GRM5: variants seen among roughly 807,000 people sequenced by gnomAD.
GRM5 encodes the protein metabotropic glutamate receptor 5.
In GRM5, 19 loss-of-function variants were observed where a neutral mutation model predicts 83.1. The observed-to-expected ratio is 0.23, with a 90% CI of 0.16 to 0.34. The LOEUF (loss-of-function observed/expected upper bound fraction) is 0.34, where lower values mean the gene tolerates loss of function less well. Ranked by LOEUF, GRM5 falls within the 10% of genes least tolerant of loss-of-function variation. The probability of loss-of-function intolerance (pLI) is 1.00; values close to 1 mark genes in which losing one functional copy is unlikely to be tolerated. For missense variants in GRM5, 1,160 were observed against 1,588.3 expected, an observed-to-expected ratio of 0.73 and a Z score of 4.58; for synonymous variants, 675 against 633.6, an observed-to-expected ratio of 1.07 and a Z score of -0.98.
rs1224807854 is a variant in GRM5 at position 88,597,363 on chromosome 11, A to G, written c.1395-11T>C. On this transcript the variant is annotated splice_polypyrimidine_tract_variant and intron_variant, in intron 5 of 9. Transcript: ENST00000305447. Reference sequence around the variant, plus strand: ...TTCATTATTTCATACCTTAGGAATAAGAATATGATAATTATGCAGCTTAAG... The same window carrying G: ...TTCATTATTTCATACCTTAGGAATAGGAATATGATAATTATGCAGCTTAAG... 1 of 1,347,234 alleles carries G rather than the reference A, an allele frequency of 7.4e-7. No individual in the cohort carries two copies. Among genetic ancestry groups the G allele is most frequent in the Non-Finnish European group, 1.0e-6 (1 of 958,138 alleles). The allele number at this position is 1,347,234 out of a possible 1,614,324, so 83.5% of individuals were successfully genotyped here.
intron 3 of GRM5, among the ~76,000 whole-genome samples, chr11:88,757,989 C>T (rs1942433232): frequency 1.3e-5 from 2 of 152,106 alleles, no homozygotes; most frequent in Non-Finnish European, 2.9e-5. Context: ...GGAAGCTGAG[C>T]CTTGCCCCAC....
chr11:88,858,431 G>T lies in GRM5; in HGVS notation c.662-8276C>A, dbSNP rs118147624. Among the ~76,000 whole-genome samples the T allele has an allele frequency of 5.2e-3, 797 of 152,122 alleles. 17 individuals carry two copies. In the East Asian group the frequency reaches 0.071, roughly 14 times the overall value. On this transcript the variant is annotated intron_variant, in intron 2 of 9. Transcript: ENST00000305447. ...CATAAAAGTACATGCCAAGTGGTTTGCTGAGTGGTATGCTGAGTTGGTGAA... is the reference window on the plus strand; with the variant it reads ...CATAAAAGTACATGCCAAGTGGTTTTCTGAGTGGTATGCTGAGTTGGTGAA...
intron 4 of GRM5, among the ~76,000 whole-genome samples, chr11:88,630,823 C>G (rs1297596632): frequency 6.6e-6 from 1 of 152,068 alleles, no homozygotes; most frequent in Non-Finnish European, 1.5e-5. Flanking sequence ...GGTGATTTGC[C>G]CACCTCGGCC....
At chr11:88,990,252 G>C (rs529026856) in intron 2 of GRM5, among the ~76,000 whole-genome samples, 1 of 152,036 alleles carries the variant, frequency 6.6e-6, no homozygotes, top group Admixed American at 6.5e-5. Flanking sequence ...AAATAAACTC[G>C]AAAATCTAGA....
Position 88,749,107 on chromosome 11 carries a change from T to C in GRM5, c.912-95704A>G, listed in dbSNP as rs533188057. On this transcript the variant is annotated intron_variant, in intron 3 of 9. Transcript: ENST00000305447. ...TGGACTGAGGCTGAGATGGCTGAAT[T>C]GACAGAAGTAGGCTTCAAAAGGTGG... Among the ~76,000 whole-genome samples, 6 of 152,270 alleles carry C rather than the reference T, an allele frequency of 3.9e-5. No homozygotes were observed. In the South Asian group the frequency reaches 1.2e-3, roughly 32 times the overall value.
At chr11:88,958,475 A>T (rs1938691315) in intron 2 of GRM5, among the ~76,000 whole-genome samples, 1 of 151,808 alleles carries the variant, frequency 6.6e-6, no homozygotes, top group Non-Finnish European at 1.5e-5. Context: ...GCCAAAGAAA[A>T]TATTCTAAAG....
intron 1 of GRM5, among the ~76,000 whole-genome samples, chr11:89,058,684 G>A (rs963070566): frequency 6.6e-6 from 1 of 152,082 alleles, no homozygotes; most frequent in African/African-American, 2.4e-5. Context: ...TTCAATTTGA[G>A]AAAGACAAAT....
intron 2 of GRM5, among the ~76,000 whole-genome samples, chr11:88,924,877 T>C (rs1409240969): frequency 2.0e-5 from 3 of 152,048 alleles, no homozygotes; most frequent in Non-Finnish European, 4.4e-5. Flanking sequence ...TTTGCTTATC[T>C]ATAGTAAGCA....
At chr11:88,961,129 C>T (rs1335675927) in intron 2 of GRM5, among the ~76,000 whole-genome samples, 1 of 152,074 alleles carries the variant, frequency 6.6e-6, no homozygotes, top group Non-Finnish European at 1.5e-5. Context: ...GTGAGAAATT[C>T]TTCAAGAATA....
At chr11:89,006,063 A>C (rs1306648010) in intron 2 of GRM5, among the ~76,000 whole-genome samples, 1 of 152,220 alleles carries the variant, frequency 6.6e-6, no homozygotes. Flanking sequence ...AGCGTATTTC[A>C]AGTTGAGAAA....
At position 88,567,376 on chromosome 11, in the gene GRM5, G is replaced by A. The variant is rs756305519; in HGVS notation, c.2307C>T (p.Asn769=). 9.3e-6 allele frequency: 15 copies of A among 1,613,920 alleles called. No homozygotes were observed. Among genetic ancestry groups the A allele is most frequent in the South Asian group, 6.6e-5 (6 of 91,086 alleles). ...FKTRNVPANF[N]EAKYIAFTMY... is the part of the protein sequence containing the mutation. The stretch of plus-strand genomic sequence containing the variant: ...TTGTGAAGGCGATATACTTGGCCTC[G>A]TTGAAGTTAGCTGGAACATTTCTGG... The change falls in exon 8 of 10, where the codon AAC becomes AAT. Residue 769 remains asparagine (N), a synonymous_variant. Transcript: ENST00000305447. This position sits in a 1 kb window ranked among gnomAD's most constrained non-coding sequence, Gnocchi z 7.3.
rs574923373 is a variant in GRM5, at chr11:88,578,266, C to T, written c.1691-10274G>A. ...GGAGGAATTTATCTGCTTCATATTA[C>T]TCATATAATATATCAATGCTTTGTG... On this transcript the variant is annotated intron_variant, in intron 7 of 9. Coordinates refer to ENST00000305447, the MANE Select transcript of GRM5 (RefSeq NM_001143831.3). Among the ~76,000 whole-genome samples the T allele has an allele frequency of 2.1e-4, 32 of 152,178 alleles. 1 individual carries two copies. Among genetic ancestry groups the T allele is most frequent in the African/African-American group, 7.5e-4 (31 of 41,538 alleles).
chr11:89,042,744 A>G (rs1941561762), intron 2 of GRM5, among the ~76,000 whole-genome samples: 1 of 152,214 alleles, frequency 6.6e-6, no homozygotes, highest in Non-Finnish European at 1.5e-5. Flanking sequence ...GAAGTCAAAC[A>G]AGCATATAGA....
At chr11:88,724,617 G>A (rs985269232) in intron 3 of GRM5, among the ~76,000 whole-genome samples, 2 of 152,102 alleles carry the variant, frequency 1.3e-5, no homozygotes, top group Non-Finnish European at 2.9e-5. Context: ...TAGGTGGCTG[G>A]CAAGATGGCC....
chr11:89,040,540 A>T (rs1214179957), intron 2 of GRM5, among the ~76,000 whole-genome samples: 1 of 151,986 alleles, frequency 6.6e-6, no homozygotes, highest in Admixed American at 6.6e-5. Context: ...ACAAAAAATT[A>T]AAAAATAAAA....
intron 2 of GRM5, among the ~76,000 whole-genome samples, chr11:89,012,093 G>C (rs1189715392): frequency 2.0e-5 from 3 of 152,028 alleles, no homozygotes; most frequent in Non-Finnish European, 4.4e-5. Context: ...AAAAGGGTGG[G>C]AAAAAGAGAG....
chr11:88,534,142 A>C (rs1455910624), intron 8 of GRM5, among the ~76,000 whole-genome samples: 1 of 152,236 alleles, frequency 6.6e-6, no homozygotes, highest in African/African-American at 2.4e-5. Context: ...CTGCTAGGGC[A>C]GTGCAGAAGG....
chr11:88,595,558 C>T (rs956422010), intron 6 of GRM5, among the ~76,000 whole-genome samples: 2 of 152,148 alleles, frequency 1.3e-5, no homozygotes, highest in East Asian at 1.9e-4. Context: ...GTTCTGTCTA[C>T]GTTGCTGTGA....
rs1382638148 is a variant in GRM5 at position 88,906,578 on chromosome 11, G to A, written c.662-56423C>T. Among the ~76,000 whole-genome samples, 6 of 152,110 alleles carry A rather than the reference G, an allele frequency of 3.9e-5. No individual in the cohort carries two copies. In the East Asian group the frequency reaches 1.2e-3, roughly 29 times the overall value. On this transcript the variant is annotated intron_variant, in intron 2 of 9. Coordinates refer to ENST00000305447, the MANE Select transcript of GRM5 (RefSeq NM_001143831.3). ...ACTTACATTTCTATGATAAATAGAT[G>A]TTGGTAAGGTTTTGGAAAATACATA...
Sources: gnomAD v4.1 joint callset for allele counts (sites outside exome capture counted in the v4.1 genomes callset) on GRCh38, gnomAD v4.1.1 for gene constraint, Gnocchi (gnomAD v3.1) non-coding constraint, MANE v1.5 for transcripts, NCBI Gene and HGNC (gene_info 2026-07-23, HGNC 2026-07-21) for gene names.